SLC45A2: variants seen among roughly 807,000 people sequenced by gnomAD.
SLC45A2 encodes the protein membrane-associated transporter protein.
Under a neutral mutation model 45.5 loss-of-function variants are expected in SLC45A2, and 36 were observed. The ratio of observed to expected loss-of-function variants is 0.79; its 90% CI spans 0.61 to 1.04. The LOEUF is 1.04. SLC45A2 is among the 50% of genes least tolerant of loss of function. The probability of loss-of-function intolerance (pLI) is 0.00; values close to 1 mark genes in which losing one functional copy is unlikely to be tolerated. For missense variants in SLC45A2, 719 were observed against 671.0 expected, an observed-to-expected ratio of 1.07 and a Z score of -0.79; for synonymous variants, 306 against 269.3, an observed-to-expected ratio of 1.14 and a Z score of -1.33.
chr5:33,968,902 A>G lies in SLC45A2; in HGVS notation c.563-4886T>C, dbSNP rs1481685206. Among the ~76,000 whole-genome samples, 8 of 152,150 alleles carry G rather than the reference A, an allele frequency of 5.3e-5. 1 individual carries two copies. Among genetic ancestry groups the G allele is most frequent in the Admixed American group, 5.2e-4 (8 of 15,276 alleles). ...CAGACTAAAGAACTCCCATCTTCCC[A>G]TGGGGTTCATGAGAAAGTCGTTCTG... On this transcript the variant is annotated intron_variant, in intron 2 of 6. Transcript: ENST00000296589.
intron 3 of SLC45A2, among the ~76,000 whole-genome samples, chr5:33,960,256 T>C (rs2111949600): frequency 6.9e-6 from 1 of 145,198 alleles, no homozygotes; most frequent in Non-Finnish European, 1.5e-5. Flanking sequence ...ATCTATTTTT[T>C]TTATTATGGA....
intron 3 of SLC45A2, among the ~76,000 whole-genome samples, chr5:33,960,677 G>C (rs548935527): frequency 6.6e-6 from 1 of 152,158 alleles, no homozygotes; most frequent in African/African-American, 2.4e-5. Context: ...CTCAGGTGAT[G>C]GGTGCACCAA....
At chr5:33,963,612 A>G in intron 3 of SLC45A2, 79 bp downstream of exon 3, 2 of 1,464,848 alleles carry the variant, frequency 1.4e-6, no homozygotes, top group Non-Finnish European at 1.9e-6. Context: ...AACAGACAAA[A>G]CAAACAATTA....
chr5:33,965,925 C>T (rs1360283423), intron 2 of SLC45A2, among the ~76,000 whole-genome samples: 3 of 152,214 alleles, frequency 2.0e-5, no homozygotes, highest in Non-Finnish European at 1.5e-5. Flanking sequence ...CCTAAGTCAA[C>T]CCTATGACAG....
chr5:33,954,311 T>C (rs1392761671), intron 4 of SLC45A2, 50 bp downstream of exon 4: 1 of 1,612,942 alleles, frequency 6.2e-7, no homozygotes, highest in South Asian at 1.1e-5. Flanking sequence ...CAGGTGTTAA[T>C]GGAGGAAATG....
At chr5:33,965,291 C>G (rs1051156239) in intron 2 of SLC45A2, among the ~76,000 whole-genome samples, 6 of 152,136 alleles carry the variant, frequency 3.9e-5, no homozygotes, top group African/African-American at 1.2e-4. Flanking sequence ...AAACTCTGAC[C>G]TCAAGAACAC....
chr5:33,966,080 C>T (rs1339662826), intron 2 of SLC45A2, among the ~76,000 whole-genome samples: 1 of 152,134 alleles, frequency 6.6e-6, no homozygotes, highest in Non-Finnish European at 1.5e-5. Flanking sequence ...GAATATAGAG[C>T]AGAAGACCCC....
chr5:33,981,336 A>G (rs1477953185), intron 2 of SLC45A2, among the ~76,000 whole-genome samples: 1 of 152,180 alleles, frequency 6.6e-6, no homozygotes, highest in Non-Finnish European at 1.5e-5. Flanking sequence ...AGCTCTAGAG[A>G]CAGAAACTAT....
At chr5:33,957,305 AAGAC>A (rs1752302684) in intron 3 of SLC45A2, among the ~76,000 whole-genome samples, 1 of 152,180 alleles carries the variant, frequency 6.6e-6, no homozygotes, top group African/African-American at 2.4e-5. Context: ...GCTAGTTTAT[AAGAC>A]AGTCTACTGA....
At chr5:33,982,593 A>G (rs1482928204) in intron 1 of SLC45A2, among the ~76,000 whole-genome samples, 181 bp from the exon 2 acceptor site, 2 of 152,154 alleles carry the variant, frequency 1.3e-5, no homozygotes, top group Non-Finnish European at 2.9e-5. Flanking sequence ...GAATGTCCAG[A>G]AAACACAAAT....
In SLC45A2 at chr5:33,947,183, G is replaced by A. The variant is rs1449411080; in HGVS notation, c.1348C>T (p.His450Tyr). The A allele has an allele frequency of 1.2e-6, 2 of 1,614,186 alleles. No individual in the cohort carries two copies. The highest frequency in any genetic ancestry group is 1.7e-6 in the Non-Finnish European group (2 of 1,180,042). The change falls in exon 6 of 7, where the codon CAC becomes TAC. Residue 450 changes from histidine (H) to tyrosine (Y), a missense_variant. By Grantham distance (83) the His-to-Tyr change is moderately conservative (BLOSUM62 2). Transcript: ENST00000296589. ...TVPFNLITEYHREEEKERQQA... is the reference protein window; with the variant it reads ...TVPFNLITEYYREEEKERQQA... ...CACACCTCCTTTTCTTCCTCGCGGT[G>A]GTACTCAGTAATGAGGTTAAAGGGC...
chr5:33,969,922 A>C (rs980390576), intron 2 of SLC45A2, among the ~76,000 whole-genome samples: 1 of 152,232 alleles, frequency 6.6e-6, no homozygotes, highest in Non-Finnish European at 1.5e-5. Flanking sequence ...TTCTGGAGCC[A>C]TTTATGGCTG....
At chr5:33,982,513 C>A in intron 1 of SLC45A2, 101 bp from the exon 2 acceptor site, 1 of 1,218,578 alleles carries the variant, frequency 8.2e-7, no homozygotes, top group African/African-American at 1.5e-5. Flanking sequence ...ATCTTCCTTG[C>A]TTTTATTTTG....
At chr5:33,951,266 C>T in intron 5 of SLC45A2, 1 of 672,934 alleles carries the variant, frequency 1.5e-6, no homozygotes, top group South Asian at 1.9e-5. Context: ...ACTCATCCAT[C>T]CAACACTTCA....
intron 2 of SLC45A2, among the ~76,000 whole-genome samples, chr5:33,969,578 T>C (rs1700400057): frequency 6.6e-6 from 1 of 152,218 alleles, no homozygotes; most frequent in South Asian, 2.1e-4. Flanking sequence ...TTTGTCTTGC[T>C]TCAGAGTTCC....
At chr5:33,982,716 A>C (rs1753115811) in intron 1 of SLC45A2, among the ~76,000 whole-genome samples, 1 of 152,170 alleles carries the variant, frequency 6.6e-6, no homozygotes, top group African/African-American at 2.4e-5. Flanking sequence ...AATGTTGTAG[A>C]ATTAGAGAGT....
At chr5:33,972,072 G>A in intron 2 of SLC45A2, 1 of 499,050 alleles carries the variant, frequency 2.0e-6, no homozygotes, top group East Asian at 5.8e-5. Context: ...GTTGTATCTA[G>A]TTCTATTGTA....
At chr5:33,945,012 C>G (rs573972356) in intron 6 of SLC45A2, 140 bp from the exon 7 acceptor site, 1 of 806,290 alleles carries the variant, frequency 1.2e-6, no homozygotes, top group South Asian at 1.5e-5. Context: ...CATAACTACT[C>G]AACTCTGCTG....
chr5:33,976,945 T>G (rs1752943990), intron 2 of SLC45A2, among the ~76,000 whole-genome samples: 1 of 100,468 alleles, frequency 1.0e-5, no homozygotes, highest in African/African-American at 3.9e-5. Context: ...GGCTCAATTG[T>G]GTCCCTGTAC....
Sources: allele counts gnomAD v4.1 joint callset (sites outside exome capture counted in the v4.1 genomes callset), GRCh38; gene constraint gnomAD v4.1.1; transcripts MANE v1.5; gene names NCBI Gene and HGNC (gene_info 2026-07-23, HGNC 2026-07-21).